The following CACNG2 variants were observed in gnomAD, a reference collection of about 807,000 sequenced individuals.
CACNG2 encodes the protein voltage-dependent calcium channel gamma-2 subunit.
CACNG2 carries 3 observed loss-of-function variants against 25.9 expected under a neutral mutation model. The ratio of observed to expected loss-of-function variants is 0.12; its 90% confidence interval spans 0.05 to 0.30. The LOEUF is 0.30. CACNG2 is among the 10% of genes least tolerant of loss of function. CACNG2 has a pLI of 1.00. For missense variants in CACNG2, 341 were observed against 432.5 expected (o/e 0.79, Z 1.88); for synonymous variants, 167 against 173.3 (o/e 0.96, Z 0.29).
intron 1 of CACNG2, among the ~76,000 whole-genome samples, chr22:36,680,343 CATCACT>C (rs1937090656): frequency 7.2e-6 from 1 of 139,692 alleles, no homozygotes; most frequent in Non-Finnish European, 1.6e-5. Context: ...CCATCACCAT[CATCACT>C]ACCACCATCA....
At chr22:36,585,509 C>A (rs1049151014) in intron 2 of CACNG2, 5 of 152,202 alleles carry the variant, frequency 3.3e-5, no homozygotes, top group African/African-American at 1.2e-4. Flanking sequence ...GCAAACTATA[C>A]CAAATGAAGC....
intron 1 of CACNG2, among the ~76,000 whole-genome samples, chr22:36,639,894 C>A (rs1340461732): frequency 1.3e-5 from 2 of 152,160 alleles, no homozygotes; most frequent in South Asian, 4.1e-4. Flanking sequence ...GGGCAGGAAG[C>A]CCCCATCAAC....
chr22:36,605,235 C>T (rs1028460770), intron 1 of CACNG2, among the ~76,000 whole-genome samples: 31 of 152,140 alleles, frequency 2.0e-4, no homozygotes, highest in Admixed American at 4.6e-4. Flanking sequence ...CCACCATGCC[C>T]GGCTACTTTT....
intron 1 of CACNG2, among the ~76,000 whole-genome samples, chr22:36,684,915 C>T (rs1051899894): frequency 6.6e-6 from 1 of 152,134 alleles, no homozygotes; most frequent in Non-Finnish European, 1.5e-5. Context: ...TCTGCTGGAT[C>T]GCGCTGCCCA....
intron 1 of CACNG2, among the ~76,000 whole-genome samples, chr22:36,609,643 T>C (rs1202602436): frequency 3.4e-5 from 3 of 88,006 alleles, no homozygotes; most frequent in African/African-American, 1.4e-4. Context: ...CAGAGCGTGA[T>C]TGGGCAGGAA....
At chr22:36,624,752 G>T (rs551271381) in intron 1 of CACNG2, among the ~76,000 whole-genome samples, 1 of 151,982 alleles carries the variant, frequency 6.6e-6, no homozygotes, top group Non-Finnish European at 1.5e-5. Context: ...AGATTAGGCC[G>T]GGCCCGGTGG....
intron 3 of CACNG2, among the ~76,000 whole-genome samples, chr22:36,566,020 C>A (rs1271117702): frequency 6.6e-6 from 1 of 152,222 alleles, no homozygotes; most frequent in Non-Finnish European, 1.5e-5. Context: ...TGCCCTCTCT[C>A]CAGCCTCCTC....
intron 1 of CACNG2, 54 bp from the exon 2 acceptor site, chr22:36,587,602 T>C: frequency 1.6e-6 from 2 of 1,266,380 alleles, no homozygotes; most frequent in South Asian, 1.2e-5. Flanking sequence ...TGGGGGCGCT[T>C]AGGGCCCACC....
chr22:36,570,746 G>C (rs1935211681), intron 2 of CACNG2, among the ~76,000 whole-genome samples: 1 of 126,720 alleles, frequency 7.9e-6, no homozygotes, highest in Admixed American at 9.2e-5. Flanking sequence ...CTGGGCAACA[G>C]AGCAAGACTC....
chr22:36,575,614 G>C (rs1242186072), intron 2 of CACNG2, among the ~76,000 whole-genome samples: 1 of 152,156 alleles, frequency 6.6e-6, no homozygotes, highest in Non-Finnish European at 1.5e-5. Context: ...ACCTGAGCAT[G>C]TGCTATTCCT....
At chr22:36,570,423 C>G (rs948153158) in intron 2 of CACNG2, among the ~76,000 whole-genome samples, 2 of 152,122 alleles carry the variant, frequency 1.3e-5, no homozygotes, top group African/African-American at 4.8e-5. Context: ...GAAGAGCCAG[C>G]CCCAAGCTCT....
At chr22:36,678,671 C>T (rs983532239) in intron 1 of CACNG2, among the ~76,000 whole-genome samples, 5 of 151,190 alleles carry the variant, frequency 3.3e-5, no homozygotes, top group Non-Finnish European at 7.4e-5. Flanking sequence ...CATTTCCACC[C>T]CCATGCCAGT....
At chr22:36,641,925 T>C (rs1370450691) in intron 1 of CACNG2, among the ~76,000 whole-genome samples, 4 of 152,218 alleles carry the variant, frequency 2.6e-5, no homozygotes, top group South Asian at 2.1e-4. Context: ...AAACATGTGT[T>C]TATTCCCAGG....
At chr22:36,661,133 T>C (rs754357911) in intron 1 of CACNG2, among the ~76,000 whole-genome samples, 1 of 152,114 alleles carries the variant, frequency 6.6e-6, no homozygotes, top group Non-Finnish European at 1.5e-5. Flanking sequence ...GGCACACCGT[T>C]TGAGAGCAGG....
rs972767276 is a variant in CACNG2, at chr22:36,619,470, G to A, written c.212-31922C>T. On this transcript the variant is annotated intron_variant, in intron 1 of 3. Transcript: ENST00000300105. ...TGAATGCGATGGGTGATGTTTTGCC[G>A]AAGTGTCTATTGAGTTCACTACGCT... is the stretch of plus-strand genomic sequence containing the variant. 1.4e-4 allele frequency among the ~76,000 whole-genome samples: 21 copies of A among 152,258 alleles called. 1 individual carries two copies. Among genetic ancestry groups the A allele is most frequent in the African/African-American group, 3.6e-4 (15 of 41,558 alleles).
At chr22:36,614,015 C>T (rs1935984736) in intron 1 of CACNG2, among the ~76,000 whole-genome samples, 1 of 152,160 alleles carries the variant, frequency 6.6e-6, no homozygotes. Flanking sequence ...TCCCCTGCTT[C>T]CCTCTTCCCT....
chr22:36,679,251 C>CTTTCT (rs1937064471), intron 1 of CACNG2, among the ~76,000 whole-genome samples: 1 of 118,726 alleles, frequency 8.4e-6, no homozygotes, highest in African/African-American at 4.2e-5. Context: ...TCTTTCTTTT[C>CTTTCT]TTTAAAAAAG....
intron 1 of CACNG2, among the ~76,000 whole-genome samples, chr22:36,683,349 T>C (rs1159046400): frequency 6.6e-6 from 1 of 152,224 alleles, no homozygotes; most frequent in Non-Finnish European, 1.5e-5. Flanking sequence ...CTTTGCTTTA[T>C]AGATGATGGT....
chr22:36,619,237 G>A (rs1234209351), intron 1 of CACNG2, among the ~76,000 whole-genome samples: 3 of 152,194 alleles, frequency 2.0e-5, no homozygotes, highest in African/African-American at 7.2e-5. Flanking sequence ...TCTCAAATTT[G>A]AGTGGTGTAG....
Sources: allele counts gnomAD v4.1 joint callset (sites outside exome capture counted in the v4.1 genomes callset), GRCh38; gene constraint gnomAD v4.1.1; transcripts MANE v1.5; gene names NCBI Gene and HGNC (gene_info 2026-07-23, HGNC 2026-07-21).